The following C22orf23 variants were observed in gnomAD, a reference collection of about 807,000 sequenced individuals.
The protein encoded by C22orf23 is chromosome 22 open reading frame 23, also known as UPF0193 protein EVG1.
Under a neutral mutation model 29.7 loss-of-function variants are expected in C22orf23, and 30 were observed. The observed-to-expected ratio is 1.01, with a 90% confidence interval of 0.76 to 1.37. C22orf23 has a LOEUF of 1.37. Among genes scored for constraint, C22orf23 ranks in the 40% most tolerant of loss-of-function variants. The pLI is 0.00. For missense variants in C22orf23, 237 were observed against 273.1 expected, an observed-to-expected ratio of 0.87 and a Z score of 0.93; for synonymous variants, 90 against 96.1, an observed-to-expected ratio of 0.94 and a Z score of 0.37.
chr22:37,946,071 A>C (rs563160667), intron 4 of C22orf23, among the ~76,000 whole-genome samples: 4 of 152,086 alleles, frequency 2.6e-5, no homozygotes, highest in South Asian at 2.1e-4. Flanking sequence ...ATCCTGGCTA[A>C]CACGGTGAGA....
At chr22:37,951,940 C>CA (rs1217339915) in intron 2 of C22orf23, among the ~76,000 whole-genome samples, 1 of 150,828 alleles carries the variant, frequency 6.6e-6, no homozygotes, top group Non-Finnish European at 1.5e-5. Context: ...CTCAGCCTCC[C>CA]AAGTAGCTGG....
At chr22:37,945,588 A>C (rs1308542624) in intron 4 of C22orf23, among the ~76,000 whole-genome samples, 1 of 148,892 alleles carries the variant, frequency 6.7e-6, no homozygotes, top group Non-Finnish European at 1.5e-5. Context: ...TCTCGGGCTC[A>C]AGTCATCCTC....
Position 37,951,244 on chromosome 22 carries a change from T to C in C22orf23, c.166+216A>G, listed in dbSNP as rs1029796618. 84 of 499,884 alleles carry C rather than the reference T, an allele frequency of 1.7e-4. 2 individuals carry two copies. The South Asian group carries it at 2.3e-3, about 13-fold the overall frequency. 31.0% of individuals were successfully genotyped at this position (499,884 alleles called of 1,614,324 possible). A position where few individuals can be genotyped will look rare whatever the true frequency, so the allele number is the denominator to read the frequency against. ...AAAAAGGTTTTGTGGAGATGAGGTC[T>C]TGTGGCTTGTGGCGTTGCCCGGGCT... On this transcript the variant is annotated intron_variant, in intron 3 of 6. Coordinates refer to ENST00000403305, the MANE Select transcript of C22orf23 (RefSeq NM_032561.5).
In C22orf23 at chr22:37,947,372, G is replaced by T. The variant is rs1036326556; in HGVS notation, c.258C>A (p.Pro86=). 1.7e-5 allele frequency: 27 copies of T among 1,613,810 alleles called. No homozygotes were observed. Among genetic ancestry groups the T allele is most frequent in the Non-Finnish European group, 2.2e-5 (26 of 1,179,910 alleles). Residue 86 remains proline (P), a synonymous_variant, in exon 4 of 7, where the codon CCC becomes CCA. Coordinates refer to ENST00000403305, the MANE Select transcript of C22orf23 (RefSeq NM_032561.5). ...GGAGGTGGGGACGGGCTGCGAGGAT[G>T]GGAGGCAGGTAGATGGGCGAGGCTA... ...KQIASPIYLP[P]ILAARPHLRP...
intron 3 of C22orf23, 57 bp downstream of exon 3, chr22:37,951,403 T>C (rs1472706492): frequency 6.8e-7 from 1 of 1,480,912 alleles, no homozygotes; most frequent in Non-Finnish European, 9.4e-7. Context: ...TGGAGAAGCA[T>C]TAAAAGTGTG....
chr22:37,953,315 C>T, intron 1 of C22orf23, 133 bp downstream of exon 1: 1 of 603,330 alleles, frequency 1.7e-6, no homozygotes, highest in Non-Finnish European at 3.0e-6. Flanking sequence ...CCCATCCAGA[C>T]ACACAGATAC....
chr22:37,944,314 G>A, intron 6 of C22orf23, 68 bp from the exon 7 acceptor site: 1 of 1,613,628 alleles, frequency 6.2e-7, no homozygotes, highest in Non-Finnish European at 8.5e-7. Context: ...ACAGCAGTGA[G>A]CTAGAGCCTG....
chr22:37,953,020 C>G (rs755461202), intron 2 of C22orf23, 27 bp downstream of exon 2: 2 of 1,568,030 alleles, frequency 1.3e-6, no homozygotes, highest in Admixed American at 1.8e-5. Context: ...GCCAAAAAGG[C>G]TGGGATCGCT....
At chr22:37,952,422 C>A (rs1431063092) in intron 2 of C22orf23, among the ~76,000 whole-genome samples, 1 of 152,120 alleles carries the variant, frequency 6.6e-6, no homozygotes, top group Admixed American at 6.6e-5. Flanking sequence ...GAGCAGAAGT[C>A]TTCCTCGGGA....
intron 4 of C22orf23, 42 bp from the exon 5 acceptor site, chr22:37,945,215 GT>G: frequency 6.3e-7 from 1 of 1,587,930 alleles, no homozygotes; most frequent in African/African-American, 1.4e-5. Context: ...GCTGTAAAGG[GT>G]GCCCTTATTC....
chr22:37,946,033 C>T (rs533943254), intron 4 of C22orf23, among the ~76,000 whole-genome samples: 7 of 151,382 alleles, frequency 4.6e-5, no homozygotes, highest in African/African-American at 7.3e-5. Flanking sequence ...CCGAGGTGGG[C>T]GGATCACGAG....
chr22:37,948,251 C>G (rs1930819543), intron 3 of C22orf23, among the ~76,000 whole-genome samples: 1 of 152,118 alleles, frequency 6.6e-6, no homozygotes, highest in African/African-American at 2.4e-5. Context: ...AGTTTGAGAC[C>G]AGCCTGGCCA....
At chr22:37,953,643 G>A, upstream of C22orf23, 2 of 988,202 alleles carry the variant, frequency 2.0e-6, no homozygotes, top group Admixed American at 2.7e-5. Context: ...CACTTTCCCC[G>A]CTCTGTCCTG....
intron 5 of C22orf23, 158 bp downstream of exon 5, chr22:37,944,884 G>C: frequency 1.2e-6 from 1 of 830,070 alleles, no homozygotes; most frequent in Non-Finnish European, 1.8e-6. Context: ...TGGGCAATAA[G>C]AGCAAGACTG....
intron 3 of C22orf23, among the ~76,000 whole-genome samples, chr22:37,948,822 T>A (rs545804765): frequency 6.6e-6 from 1 of 152,288 alleles, no homozygotes; most frequent in African/African-American, 2.4e-5. Flanking sequence ...GATCGTACTG[T>A]AATATATTAA....
In C22orf23 at chr22:37,943,459, T is replaced by G. The variant is rs1366339935; in HGVS notation, c.*716A>C. 6.6e-6 allele frequency: 1 copy of G among 152,562 alleles called. No individual in the cohort carries two copies. Among genetic ancestry groups the G allele is most frequent in the Non-Finnish European group, 1.5e-5 (1 of 68,330 alleles). The allele number at this position is 152,562 out of a possible 1,614,324, so 9.5% of individuals were successfully genotyped here. On this transcript the variant is annotated 3_prime_UTR_variant, in exon 7 of 7. Transcript: ENST00000403305. Reference sequence around the variant, plus strand: ...AGCCAACTTTTAATCCTGAATGCACTGCTTGCCAGGTAAATGCCCTTGGTT... The same window carrying G: ...AGCCAACTTTTAATCCTGAATGCACGGCTTGCCAGGTAAATGCCCTTGGTT...
In C22orf23 at chr22:37,953,498, G is replaced by T. The variant is rs985730741; in HGVS notation, c.-60C>A. 1.3e-5 allele frequency: 7 copies of T among 546,164 alleles called. No individual in the cohort carries two copies. The African/African-American group carries it at 1.4e-4, about 11-fold the overall frequency. The allele number at this position is 546,164 out of a possible 1,614,324, so 33.8% of individuals were successfully genotyped here. A position where few individuals can be genotyped will look rare whatever the true frequency, so the allele number is the denominator to read the frequency against. ...CTCTCCACATAGAAGTGGGCTCCCG[G>T]AGGCGGTGACCACTGCTTTACAGCC... On this transcript the variant is annotated 5_prime_UTR_variant, in exon 1 of 7. Transcript: ENST00000403305.
chr22:37,944,360 C>T, intron 6 of C22orf23, 57 bp downstream of exon 6: 1 of 1,613,404 alleles, frequency 6.2e-7, no homozygotes, highest in Non-Finnish European at 8.5e-7. Context: ...CCTGTATTTC[C>T]ATTCGCACTT....
At chr22:37,945,265 T>TGCCTGGTCATGCAGACAGGGC in intron 4 of C22orf23, 92 bp from the exon 5 acceptor site, 1 of 1,487,556 alleles carries the variant, frequency 6.7e-7, no homozygotes, top group Admixed American at 2.0e-5. Flanking sequence ...TGCTGCAGGG[T>TGCCTGGTCATGCAGACAGGGC]GCCTGGTCAT....
Sources: gnomAD v4.1 joint callset for allele counts (sites outside exome capture counted in the v4.1 genomes callset) on GRCh38, gnomAD v4.1.1 for gene constraint, MANE v1.5 for transcripts, NCBI Gene and HGNC (gene_info 2026-07-23, HGNC 2026-07-21) for gene names.